SGK1: variants seen among roughly 807,000 people sequenced by gnomAD.
The protein encoded by SGK1 is serum/glucocorticoid regulated kinase 1, also known as serine/threonine-protein kinase Sgk1.
Under a neutral mutation model 64.2 loss-of-function variants are expected in SGK1, and 26 were observed. That is an observed-to-expected ratio of 0.40 (90% CI 0.30 to 0.56). The LOEUF (loss-of-function observed/expected upper bound fraction) is 0.56, where lower values mean the gene tolerates loss of function less well. SGK1 is among the 20% of genes least tolerant of loss of function. The probability of loss-of-function intolerance (pLI) is 0.38; values close to 1 mark genes in which losing one functional copy is unlikely to be tolerated. For missense variants in SGK1, 519 were observed against 645.6 expected, an observed-to-expected ratio of 0.80 and a Z score of 2.12; for synonymous variants, 265 against 239.7, an observed-to-expected ratio of 1.11 and a Z score of -0.98.
intron 1 of SGK1, among the ~76,000 whole-genome samples, chr6:134,283,887 A>C (rs1777138910): frequency 1.4e-5 from 2 of 144,618 alleles, no homozygotes; most frequent in African/African-American, 5.3e-5. Context: ...AAAAAAAAAA[A>C]AAAAAAAAAA....
intron 2 of SGK1, among the ~76,000 whole-genome samples, chr6:134,251,500 C>T (rs559338606): frequency 6.6e-6 from 1 of 152,280 alleles, no homozygotes; most frequent in East Asian, 1.9e-4. Flanking sequence ...GTAAGTGTAA[C>T]TGCTGGCTAG....
intron 1 of SGK1, among the ~76,000 whole-genome samples, chr6:134,282,281 C>A (rs570786729): frequency 6.6e-6 from 1 of 152,060 alleles, no homozygotes; most frequent in Non-Finnish European, 1.5e-5. Flanking sequence ...AAACTAGGAA[C>A]GCTCTAAGAG....
At chr6:134,239,822 T>C (rs1776416017) in intron 2 of SGK1, among the ~76,000 whole-genome samples, 1 of 152,182 alleles carries the variant, frequency 6.6e-6, no homozygotes, top group Admixed American at 6.5e-5. Context: ...GCATGTTGGG[T>C]CTGCCCCACA....
intron 3 of SGK1, among the ~76,000 whole-genome samples, chr6:134,182,924 A>C (rs1775353819): frequency 6.6e-6 from 1 of 152,258 alleles, no homozygotes. Flanking sequence ...AAAAGTGGAG[A>C]GCAAACCAAA....
At chr6:134,290,150 CAAAAAAAAAAA>C (rs35039086) in intron 1 of SGK1, among the ~76,000 whole-genome samples, 1 of 75,940 alleles carries the variant, frequency 1.3e-5, no homozygotes, top group African/African-American at 6.0e-5. Flanking sequence ...AGCTCCTTCT[CAAAAAAAAAAA>C]AAAAAAAAAA....
intron 1 of SGK1, among the ~76,000 whole-genome samples, chr6:134,307,873 C>T (rs1325805325): frequency 6.6e-6 from 1 of 152,176 alleles, no homozygotes; most frequent in Non-Finnish European, 1.5e-5. Flanking sequence ...GGTAGCTCTT[C>T]CCCAAGACCC....
chr6:134,249,939 G>A (rs780577484), intron 2 of SGK1, among the ~76,000 whole-genome samples: 3 of 152,042 alleles, frequency 2.0e-5, no homozygotes, highest in African/African-American at 4.8e-5. Context: ...TGCATTTAAC[G>A]TTTTCTAATC....
intron 3 of SGK1, among the ~76,000 whole-genome samples, chr6:134,197,901 T>TAAA (rs1314264030): frequency 5.4e-5 from 2 of 36,744 alleles, no homozygotes; most frequent in Middle Eastern, 0.011. Flanking sequence ...TAAAATAAAA[T>TAAA]ATAAAATAAA....
intron 3 of SGK1, chr6:134,175,680 C>T (rs1007898754): frequency 2.7e-6 from 4 of 1,478,352 alleles, no homozygotes; most frequent in East Asian, 2.7e-5. Context: ...GGCGGCGGGG[C>T]GCGCGGCAGA....
At chr6:134,259,635 T>C (rs1776733596) in intron 2 of SGK1, among the ~76,000 whole-genome samples, 1 of 152,066 alleles carries the variant, frequency 6.6e-6, no homozygotes, top group South Asian at 2.1e-4. Flanking sequence ...GCTGTGTCCA[T>C]TCATTTACAT....
intron 3 of SGK1, among the ~76,000 whole-genome samples, chr6:134,185,344 A>C (rs947701639): frequency 6.6e-6 from 1 of 152,084 alleles, no homozygotes; most frequent in African/African-American, 2.4e-5. Flanking sequence ...ATATCCCTTT[A>C]TATCCTCCCA....
chr6:134,279,302 C>T lies in SGK1; in HGVS notation c.70-17154G>A, dbSNP rs146061321. 6.9e-3 allele frequency among the ~76,000 whole-genome samples: 1,050 copies of T among 152,014 alleles called. 15 individuals carry two copies. Among genetic ancestry groups the T allele is most frequent in the African/African-American group, 0.024 (975 of 41,434 alleles). Reference sequence around the variant, plus strand: ...CAAAAATTAGCTGGACGTGGTGGTGCGTGCCTGTAGTTCCAGCTACTCAGG... The same window carrying T: ...CAAAAATTAGCTGGACGTGGTGGTGTGTGCCTGTAGTTCCAGCTACTCAGG... On this transcript the variant is annotated intron_variant, in intron 1 of 13. Coordinates refer to ENST00000367858, the MANE Select transcript of SGK1 (RefSeq NM_001143676.3).
intron 1 of SGK1, among the ~76,000 whole-genome samples, chr6:134,314,792 GTTTTT>G (rs61647029): frequency 2.9e-5 from 4 of 138,876 alleles, no homozygotes; most frequent in East Asian, 2.2e-4. Flanking sequence ...AGACCCTATG[GTTTTT>G]TTTTTTTTTT....
rs760284962 is a variant in SGK1 at position 134,173,277 on chromosome 6, T to C, written c.699A>G (p.Lys233=). ...VLQKKAILKK[K]EEKHIMSERN... ...CCCCATCAAGCACATCTCATACCTCTTTCTTTTTCAGGATTGCTTTCTTCT... is the reference window on the plus strand; with the variant it reads ...CCCCATCAAGCACATCTCATACCTCCTTCTTTTTCAGGATTGCTTTCTTCT... Residue 233 remains lysine (K), a synonymous_variant, in exon 7 of 14, where the codon AAA becomes AAG. Coordinates refer to ENST00000367858, the MANE Select transcript of SGK1 (RefSeq NM_001143676.3). 2.5e-6 allele frequency: 4 copies of C among 1,613,166 alleles called. No homozygotes were observed. In the South Asian group the frequency reaches 3.3e-5, roughly 13 times the overall value.
At chr6:134,274,678 A>C (rs1384279885) in intron 1 of SGK1, among the ~76,000 whole-genome samples, 4 of 152,110 alleles carry the variant, frequency 2.6e-5, no homozygotes, top group African/African-American at 9.7e-5. Flanking sequence ...AAAAAAAAAA[A>C]AAAACCCAAA....
intron 1 of SGK1, among the ~76,000 whole-genome samples, chr6:134,275,592 A>C (rs1256079332): frequency 6.6e-6 from 1 of 152,198 alleles, no homozygotes; most frequent in Non-Finnish European, 1.5e-5. Flanking sequence ...TTCTTTCAAA[A>C]TGCTGATTGC....
intron 1 of SGK1, among the ~76,000 whole-genome samples, chr6:134,303,763 G>A (rs1310886702): frequency 1.3e-5 from 2 of 149,698 alleles, no homozygotes; most frequent in Non-Finnish European, 3.0e-5. Flanking sequence ...CAGCCTGAGC[G>A]ACACAGCACG....
At chr6:134,312,960 A>G (rs1777627835) in intron 1 of SGK1, among the ~76,000 whole-genome samples, 1 of 152,058 alleles carries the variant, frequency 6.6e-6, no homozygotes, top group Non-Finnish European at 1.5e-5. Context: ...TTTAGTAGAG[A>G]CAGGGTTTCA....
intron 3 of SGK1, among the ~76,000 whole-genome samples, chr6:134,184,284 G>A (rs575599709): frequency 2.6e-4 from 39 of 151,788 alleles, no homozygotes; most frequent in Non-Finnish European, 4.7e-4. Flanking sequence ...AGATCACGAG[G>A]TCAGGAGATC....
Sources: allele counts gnomAD v4.1 joint callset (sites outside exome capture counted in the v4.1 genomes callset), GRCh38; gene constraint gnomAD v4.1.1; transcripts MANE v1.5; gene names NCBI Gene and HGNC (gene_info 2026-07-23, HGNC 2026-07-21).